Variants in MTMR2 observed in about 807,000 individuals in gnomAD.
MTMR2 encodes the protein phosphatidylinositol-3,5-bisphosphate 3-phosphatase MTMR2.
In MTMR2, 55 loss-of-function variants were observed where a neutral mutation model predicts 86.9. The ratio of observed to expected loss-of-function variants is 0.63; its 90% CI spans 0.51 to 0.79. The LOEUF is 0.79. Ranked by LOEUF, MTMR2 falls within the 30% of genes least tolerant of loss-of-function variation. MTMR2 has a pLI of 0.00. For missense variants in MTMR2, 659 were observed against 772.3 expected, an observed-to-expected ratio of 0.85 and a Z score of 1.74; for synonymous variants, 241 against 266.8, an observed-to-expected ratio of 0.90 and a Z score of 0.94.
At chr11:95,913,738 G>A (rs1019193380) in intron 1 of MTMR2, among the ~76,000 whole-genome samples, 3 of 151,982 alleles carry the variant, frequency 2.0e-5, no homozygotes, top group African/African-American at 7.2e-5. Flanking sequence ...TTTGCAGAAA[G>A]AAAGGAAGGG....
chr11:95,874,208 C>G (rs1865006993), intron 2 of MTMR2, among the ~76,000 whole-genome samples: 1 of 152,128 alleles, frequency 6.6e-6, no homozygotes, highest in South Asian at 2.1e-4. Context: ...TAAAGTCTCC[C>G]ATTATTATTG....
chr11:95,882,727 T>G (rs1431754293), intron 2 of MTMR2, among the ~76,000 whole-genome samples: 1 of 137,246 alleles, frequency 7.3e-6, no homozygotes, highest in Non-Finnish European at 1.5e-5. Context: ...TTTGTGTTGT[T>G]TTTTTTTTTT....
At chr11:95,876,264 A>T (rs1279583181) in intron 2 of MTMR2, among the ~76,000 whole-genome samples, 5 of 152,054 alleles carry the variant, frequency 3.3e-5, no homozygotes, top group Non-Finnish European at 7.4e-5. Flanking sequence ...TGAGCTTCCG[A>T]ACCTATCTTC....
chr11:95,851,184 TCCTGAGTAGCTGGGACTA>T (rs1472251877), intron 7 of MTMR2, among the ~76,000 whole-genome samples: 1 of 145,048 alleles, frequency 6.9e-6, no homozygotes, highest in Non-Finnish European at 1.5e-5. Context: ...TGCCTCAACC[TCCTGAGTAGCTGGGACTA>T]CAGCCGTACG....
Position 95,898,262 on chromosome 11 carries a change from T to TAA in MTMR2, c.81-10003_81-10002dup, listed in dbSNP as rs113103300. The stretch of plus-strand genomic sequence containing the variant: ...AATTACTAATGGCCTGGTTGGTTTT[T>TAA]AAAAAAAAAAAAAAAAAGTTTTTTT... On this transcript the variant is annotated intron_variant, in intron 1 of 14. Coordinates refer to ENST00000346299, the MANE Select transcript of MTMR2 (RefSeq NM_016156.6). Among the ~76,000 whole-genome samples, 94 of 137,906 alleles carry TAA rather than the reference T, an allele frequency of 6.8e-4. 1 individual carries two copies. The highest frequency in any genetic ancestry group is 6.6e-3 in the South Asian group (29 of 4,364). 90.5% of individuals were successfully genotyped at this position (137,906 alleles called of 152,430 possible).
chr11:95,894,215 T>C (rs935416873), intron 1 of MTMR2, among the ~76,000 whole-genome samples: 1 of 152,192 alleles, frequency 6.6e-6, no homozygotes, highest in African/African-American at 2.4e-5. Context: ...TAGACATACC[T>C]ACTGCTTCTT....
At chr11:95,901,279 T>A (rs1410342334) in intron 1 of MTMR2, among the ~76,000 whole-genome samples, 2 of 152,114 alleles carry the variant, frequency 1.3e-5, no homozygotes, top group Non-Finnish European at 2.9e-5. Flanking sequence ...CCCCACACTC[T>A]CTCTCCAGCC....
At chr11:95,863,867 C>A (rs902428561) in intron 3 of MTMR2, among the ~76,000 whole-genome samples, 1 of 152,054 alleles carries the variant, frequency 6.6e-6, no homozygotes, top group Non-Finnish European at 1.5e-5. Flanking sequence ...GTTCTGTACC[C>A]TCTATCATTC....
chr11:95,906,658 T>C (rs1866288872), intron 1 of MTMR2, among the ~76,000 whole-genome samples: 1 of 152,118 alleles, frequency 6.6e-6, no homozygotes, highest in Non-Finnish European at 1.5e-5. Context: ...GCTCAACAAA[T>C]TTAAAGAAAC....
At chr11:95,888,083 G>A (rs1209395522) in intron 2 of MTMR2, 73 bp downstream of exon 2, 3 of 1,101,974 alleles carry the variant, frequency 2.7e-6, no homozygotes, top group South Asian at 2.6e-5. Context: ...TGCTAAATTA[G>A]TTATATTGAT....
At chr11:95,920,989 TCA>T (rs1409150384) in intron 1 of MTMR2, among the ~76,000 whole-genome samples, 2 of 152,196 alleles carry the variant, frequency 1.3e-5, no homozygotes, top group Non-Finnish European at 2.9e-5. Flanking sequence ...AGACATCTAA[TCA>T]ATACATTTAA....
In MTMR2 at chr11:95,882,889, A is replaced by ATTTTTTTTTTTT. The variant is rs776661875; in HGVS notation, c.186+5255_186+5266dup. Among the ~76,000 whole-genome samples, 64 of 76,074 alleles carry ATTTTTTTTTTTT rather than the reference A, an allele frequency of 8.4e-4. 1 individual carries two copies. Among genetic ancestry groups the ATTTTTTTTTTTT allele is most frequent in the Non-Finnish European group, 1.1e-3 (49 of 42,742 alleles). The allele number at this position is 76,074 out of a possible 152,430, so 49.9% of individuals were successfully genotyped here. ...AGGCGCCCGCCACCACATCCAGCTA[A>ATTTTTTTTTTTT]TTTTTTTTTTTTTTTTTTTTTTTTT... On this transcript the variant is annotated intron_variant, in intron 2 of 14. Transcript: ENST00000346299.
At position 95,895,524 on chromosome 11, in the gene MTMR2, G is replaced by A. The variant is rs148556978; in HGVS notation, c.81-7263C>T. On this transcript the variant is annotated intron_variant, in intron 1 of 14. Transcript: ENST00000346299. ...AGGCTTAAAAGCCTGGCTAATAAAA[G>A]GCAAGGGGCATACAATGAGATATCA... Among the ~76,000 whole-genome samples the A allele has an allele frequency of 2.2e-3, 336 of 152,250 alleles. 5 individuals are homozygous for A. The highest frequency in any genetic ancestry group is 7.8e-3 in the African/African-American group (326 of 41,538).
intron 2 of MTMR2, among the ~76,000 whole-genome samples, chr11:95,868,289 AAAAAAAAAAAAAGAAAGAAAAAGAAAAAG>A (rs1864699716): frequency 1.5e-5 from 2 of 131,148 alleles, no homozygotes; most frequent in African/African-American, 5.1e-5. Context: ...AAAAAAAAAA[AAAAAAAAAAAAAGAAAGAAAAAGAAAAAG>A]AAAAAAAAGA....
At chr11:95,873,093 T>G (rs991359077) in intron 2 of MTMR2, among the ~76,000 whole-genome samples, 21 of 152,218 alleles carry the variant, frequency 1.4e-4, no homozygotes, top group Non-Finnish European at 2.8e-4. Flanking sequence ...TTGTTGTGTC[T>G]CTGCCAGGTT....
intron 11 of MTMR2, 32 bp downstream of exon 11, chr11:95,844,921 T>G: frequency 3.0e-5 from 46 of 1,548,776 alleles, no homozygotes; most frequent in Non-Finnish European, 4.0e-5. Flanking sequence ...TGAATGCATG[T>G]GATATATCCA....
intron 2 of MTMR2, among the ~76,000 whole-genome samples, chr11:95,874,658 G>C (rs1865032901): frequency 6.6e-6 from 1 of 152,150 alleles, no homozygotes; most frequent in Admixed American, 6.6e-5. Flanking sequence ...TGGTTATTTT[G>C]CTCGTTAGTT....
At chr11:95,850,261 T>C (rs926141992) in intron 8 of MTMR2, among the ~76,000 whole-genome samples, 1 of 144,170 alleles carries the variant, frequency 6.9e-6, no homozygotes, top group Non-Finnish European at 1.6e-5. Flanking sequence ...CTGTAAGGTG[T>C]TCTTTCTAGG....
In MTMR2 at chr11:95,836,265, G is replaced by A; in HGVS notation, c.1653C>T (p.Phe551=). The part of the protein sequence containing the change: ...WSYINSQLED[F]TNPLYGSYSN... ...AATAGCTCCCATAGAGAGGATTAGT[G>A]AAGTCTTCCAGCTGGCTGTTTATGT... The change falls in exon 14 of 15, where the codon TTC becomes TTT. Residue 551 remains phenylalanine (F), a synonymous_variant. Transcript: ENST00000346299. 7 of 1,612,984 alleles carry A rather than the reference G, an allele frequency of 4.3e-6. No individual in the cohort carries two copies. Among genetic ancestry groups the A allele is most frequent in the Non-Finnish European group, 5.9e-6 (7 of 1,179,190 alleles).
Sources: allele counts gnomAD v4.1 joint callset (sites outside exome capture counted in the v4.1 genomes callset), GRCh38; gene constraint gnomAD v4.1.1; transcripts MANE v1.5; gene names NCBI Gene and HGNC (gene_info 2026-07-23, HGNC 2026-07-21).